The following ZNF221 variants were observed in gnomAD, a reference collection of about 807,000 sequenced individuals.
The protein encoded by ZNF221 is zinc finger protein 221.
Under a neutral mutation model 12.6 loss-of-function variants are expected in ZNF221, and 10 were observed. The ratio of observed to expected loss-of-function variants is 0.79; its 90% confidence interval spans 0.49 to 1.34. The LOEUF (loss-of-function observed/expected upper bound fraction) is 1.34, where lower values mean the gene tolerates loss of function less well. Ranked by LOEUF, ZNF221 falls within the 40% of genes most tolerant of loss-of-function variation. The pLI, the probability that ZNF221 is intolerant of heterozygous loss-of-function variation, is 0.00. For missense variants in ZNF221, 661 were observed against 721.4 expected (o/e 0.92, Z 0.96); for synonymous variants, 232 against 244.0 (o/e 0.95, Z 0.46).
At position 43,966,675 on chromosome 19, in the gene ZNF221, G is replaced by T. The variant is rs760680730; in HGVS notation, c.1173G>T (p.Glu391Asp). 1.2e-6 allele frequency: 2 copies of T among 1,614,098 alleles called. No homozygotes were observed. Among genetic ancestry groups the T allele is most frequent in the East Asian group, 2.2e-5 (1 of 44,904 alleles). ...AGCATCAGATGGTCCACACAGGAGA[G>T]AAACCATATAATTGTAAAGAATGTG... ...FCKHQMVHTG[E>D]KPYNCKECGK... Residue 391 changes from glutamate to aspartate, a missense_variant, in exon 5 of 5, where the codon GAG becomes GAT. Coordinates refer to ENST00000587682, the MANE Select transcript of ZNF221 (RefSeq NM_001297588.2).
the ZNF221 span, among the ~76,000 whole-genome samples, chr19:43,980,311 C>T: frequency 9.4e-4 from 143 of 152,312 alleles, 1 homozygote; most frequent in African/African-American, 3.2e-3. Flanking sequence ...AACAGAATCA[C>T]ATCTCCCAAA....
chr19:43,964,277 AG>A (rs1974898964), intron 2 of ZNF221, among the ~76,000 whole-genome samples: 1 of 152,210 alleles, frequency 6.6e-6, no homozygotes, highest in South Asian at 2.1e-4. Context: ...AAACGATACC[AG>A]GTGAAAATCA....
intron 4 of ZNF221, 46 bp downstream of exon 4, chr19:43,965,371 T>C: frequency 6.5e-7 from 1 of 1,532,882 alleles, no homozygotes; most frequent in Non-Finnish European, 8.9e-7. Context: ...CTCTTCCATC[T>C]GTTTTACTTC....
chr19:43,979,925 C>T, the ZNF221 span, among the ~76,000 whole-genome samples: 4 of 152,084 alleles, frequency 2.6e-5, no homozygotes, highest in Non-Finnish European at 4.4e-5. Flanking sequence ...GTTAAAGCCA[C>T]GACATGGTGA....
rs1974961517 is a variant in ZNF221, at chr19:43,966,482, G to C, written c.980G>C (p.Arg327Thr). ...TTCCGTGTTAGATCAAGACTTAATAGGCATTCCATGGTTCACACAGGAGAA... is the reference window on the plus strand; with the variant it reads ...TTCCGTGTTAGATCAAGACTTAATACGCATTCCATGGTTCACACAGGAGAA... ...KSFRVRSRLN[R>T]HSMVHTGEKP... is the part of the protein sequence containing the mutation. Residue 327 changes from arginine to threonine, a missense_variant, in exon 5 of 5, where the codon AGG becomes ACG. Transcript: ENST00000587682. 1 of 1,614,046 alleles carries C rather than the reference G, an allele frequency of 6.2e-7. No homozygotes were observed.
At chr19:43,968,905 C>T (rs191387341), downstream of ZNF221, among the ~76,000 whole-genome samples, 1 of 152,294 alleles carries the variant, frequency 6.6e-6, no homozygotes, top group Admixed American at 6.5e-5. Flanking sequence ...GCCCATGCCA[C>T]CAGGGCCTTG....
the ZNF221 span, among the ~76,000 whole-genome samples, chr19:43,976,174 G>A: frequency 6.6e-6 from 1 of 151,902 alleles, no homozygotes; most frequent in Non-Finnish European, 1.5e-5. Context: ...TTGAATTATA[G>A]GCATGAGCCA....
downstream of ZNF221, among the ~76,000 whole-genome samples, chr19:43,969,331 CTGCTTTTTTTT>C (rs1975046269): frequency 7.3e-6 from 1 of 137,032 alleles, no homozygotes; most frequent in South Asian, 2.3e-4. Context: ...GCCCAGACTG[CTGCTTTTTTTT>C]TTTTTTTTTT....
Position 43,966,714 on chromosome 19 carries a change from A to G in ZNF221, c.1212A>G (p.Arg404=). The part of the protein sequence containing the change: ...YNCKECGKTF[R]WSSCLLNHQQ... ...GTAAAGAATGTGGGAAGACCTTCAG[A>G]TGGTCCTCATGTCTTTTGAACCATC... The change falls in exon 5 of 5, where the codon AGA becomes AGG. Residue 404 remains arginine, a synonymous_variant. Coordinates refer to ENST00000587682, the MANE Select transcript of ZNF221 (RefSeq NM_001297588.2). 6.2e-7 allele frequency: 1 copy of G among 1,614,238 alleles called. No individual in the cohort carries two copies. The highest frequency in any genetic ancestry group is 8.5e-7 in the Non-Finnish European group (1 of 1,180,048).
chr19:43,962,964 G>A (rs1201773659), intron 2 of ZNF221, among the ~76,000 whole-genome samples, 157 bp downstream of exon 2: 4 of 152,078 alleles, frequency 2.6e-5, no homozygotes, highest in Non-Finnish European at 5.9e-5. Flanking sequence ...TTGACTTTCC[G>A]TTTGGTTTTA....
rs373101037 is a variant in ZNF221, at chr19:43,952,899, A to G, written c.-3+1499A>G. On this transcript the variant is annotated intron_variant, in intron 1 of 4. Coordinates refer to ENST00000587682, the MANE Select transcript of ZNF221 (RefSeq NM_001297588.2). ...AAATTGCAGAAATACGACAAGAAAAAAAGCTTAATTACCTCTGAATGCAGG... is the reference window on the plus strand; with the variant it reads ...AAATTGCAGAAATACGACAAGAAAAGAAGCTTAATTACCTCTGAATGCAGG... Among the ~76,000 whole-genome samples the G allele has an allele frequency of 6.1e-4, 93 of 152,298 alleles. 1 individual carries two copies. The highest frequency in any genetic ancestry group is 6.8e-3 in the Middle Eastern group (2 of 294).
chr19:43,980,777 A>ATGCTACTTATTCCTCATTGAGGCG, the ZNF221 span, among the ~76,000 whole-genome samples: 1 of 152,166 alleles, frequency 6.6e-6, no homozygotes, highest in Non-Finnish European at 1.5e-5. Flanking sequence ...GGGCTATTGT[A>ATGCTACTTATTCCTCATTGAGGCG]TGCTACTTAT....
At chr19:43,972,877 A>C in the ZNF221 span, among the ~76,000 whole-genome samples, 2 of 152,028 alleles carry the variant, frequency 1.3e-5, no homozygotes, top group Non-Finnish European at 2.9e-5. Flanking sequence ...ATTGAAAAGA[A>C]GGGATTCCTC....
At chr19:43,953,089 C>T (rs965401617) in intron 1 of ZNF221, among the ~76,000 whole-genome samples, 9 of 152,018 alleles carry the variant, frequency 5.9e-5, no homozygotes, top group Non-Finnish European at 1.0e-4. Flanking sequence ...CCCTTAGCCT[C>T]CCAAGTAGCT....
chr19:43,954,340 A>G (rs1275642693), intron 1 of ZNF221, among the ~76,000 whole-genome samples: 2 of 152,178 alleles, frequency 1.3e-5, no homozygotes, highest in Non-Finnish European at 2.9e-5. Context: ...AGTTCTCTCA[A>G]TTCATAACTC....
At position 43,967,462 on chromosome 19, in the gene ZNF221, T is replaced by C. The variant is rs1281072209; in HGVS notation, c.*106T>C. On this transcript the variant is annotated 3_prime_UTR_variant, in exon 5 of 5. Transcript: ENST00000587682. ...CAAATATGAGAACTGTGGGAAGAGC[T>C]TTGTACATAGATCATATCTTTTTTT... 6 of 873,498 alleles carry C rather than the reference T, an allele frequency of 6.9e-6. No homozygotes were observed. The Admixed American group carries it at 1.4e-4, about 21-fold the overall frequency. The allele number at this position is 873,498 out of a possible 1,614,324, so 54.1% of individuals were successfully genotyped here. A position where few individuals can be genotyped will look rare whatever the true frequency, so the allele number is the denominator to read the frequency against.
intron 1 of ZNF221, among the ~76,000 whole-genome samples, chr19:43,953,558 G>T (rs1974708908): frequency 6.6e-6 from 1 of 152,142 alleles, no homozygotes; most frequent in Admixed American, 6.5e-5. Flanking sequence ...GGGGCTGAAA[G>T]TCCCATGCCT....
In ZNF221 at chr19:43,966,059, A is replaced by C; in HGVS notation, c.557A>C (p.Asp186Ala). ...TCCTTCAGTGATGTTTCTGTCTTTGATCTTCATCAACAATCACACTCAGGA... is the reference window on the plus strand; with the variant it reads ...TCCTTCAGTGATGTTTCTGTCTTTGCTCTTCATCAACAATCACACTCAGGA... Reference protein sequence around the residue: ...KQSFSDVSVFDLHQQSHSGEK... With the variant: ...KQSFSDVSVFALHQQSHSGEK... The change falls in exon 5 of 5, where the codon GAT becomes GCT. Residue 186 changes from aspartate to alanine, a missense_variant. Coordinates refer to ENST00000587682, the MANE Select transcript of ZNF221 (RefSeq NM_001297588.2). 1 of 1,614,226 alleles carries C rather than the reference A, an allele frequency of 6.2e-7. No individual in the cohort carries two copies. Among genetic ancestry groups the C allele is most frequent in the Non-Finnish European group, 8.5e-7 (1 of 1,180,040 alleles).
intron 1 of ZNF221, among the ~76,000 whole-genome samples, chr19:43,956,700 A>C (rs983355867): frequency 6.6e-6 from 1 of 152,206 alleles, no homozygotes; most frequent in African/African-American, 2.4e-5. Context: ...CAACAAACTT[A>C]TTTGAAACCC....
Sources: gnomAD v4.1 joint callset for allele counts (sites outside exome capture counted in the v4.1 genomes callset) on GRCh38, gnomAD v4.1.1 for gene constraint, MANE v1.5 for transcripts, NCBI Gene and HGNC (gene_info 2026-07-23, HGNC 2026-07-21) for gene names.